The following DGKB variants were observed in gnomAD, a reference collection of about 807,000 sequenced individuals.
The protein encoded by DGKB is diacylglycerol kinase beta.
In DGKB, 67 loss-of-function variants were observed where a neutral mutation model predicts 114.3. The observed-to-expected ratio is 0.59, with a 90% CI of 0.48 to 0.72. The LOEUF (loss-of-function observed/expected upper bound fraction) is 0.72. DGKB is among the 30% of genes least tolerant of loss of function. DGKB has a pLI of 0.00. For synonymous variants in DGKB, 398 were observed against 323.1 expected (o/e 1.23, Z -2.49); for missense variants, 907 against 975.2 (o/e 0.93, Z 0.93).
At chr7:14,821,832 G>T (rs894673790) in intron 2 of DGKB, among the ~76,000 whole-genome samples, 1 of 152,188 alleles carries the variant, frequency 6.6e-6, no homozygotes, top group Non-Finnish European at 1.5e-5. Context: ...AGACCAAGAA[G>T]GAGGATCCTG....
At chr7:14,700,098 A>C (rs117219063) in intron 7 of DGKB, among the ~76,000 whole-genome samples, 3,952 of 152,216 alleles carry the variant, frequency 0.026, 83 homozygotes, top group South Asian at 0.048. Context: ...AGAAATTAAA[A>C]TTTCTAGTCG....
intron 12 of DGKB, among the ~76,000 whole-genome samples, chr7:14,675,775 G>C (rs775806539): frequency 1.3e-5 from 2 of 151,952 alleles, no homozygotes; most frequent in Non-Finnish European, 1.5e-5. Context: ...TAACCAAGAA[G>C]TCTATATTTG....
intron 21 of DGKB, among the ~76,000 whole-genome samples, chr7:14,474,647 C>G (rs568850419): frequency 6.6e-6 from 1 of 151,534 alleles, no homozygotes; most frequent in African/African-American, 2.4e-5. Context: ...TATTAATATC[C>G]TTTTTTTCAA....
intron 13 of DGKB, among the ~76,000 whole-genome samples, chr7:14,668,864 G>T (rs1184769381): frequency 2.0e-5 from 3 of 152,034 alleles, no homozygotes; most frequent in Non-Finnish European, 4.4e-5. Flanking sequence ...TTTGCCAAAA[G>T]ACACGGTCAC....
At chr7:14,387,674 C>T (rs1373893059) in intron 21 of DGKB, among the ~76,000 whole-genome samples, 1 of 152,064 alleles carries the variant, frequency 6.6e-6, no homozygotes, top group Non-Finnish European at 1.5e-5. Context: ...GACTCAGCCT[C>T]CTAAAGTGCT....
chr7:14,300,121 C>T (rs945624683), intron 23 of DGKB, among the ~76,000 whole-genome samples: 2 of 152,004 alleles, frequency 1.3e-5, no homozygotes, highest in African/African-American at 4.8e-5. Context: ...TAAAAGAGCT[C>T]CCGTGTAGTT....
chr7:14,542,311 C>T (rs1469825833), intron 20 of DGKB, among the ~76,000 whole-genome samples: 2 of 152,070 alleles, frequency 1.3e-5, no homozygotes, highest in Non-Finnish European at 2.9e-5. Context: ...CAGGTGCTCC[C>T]TGCTGCTTTT....
intron 15 of DGKB, among the ~76,000 whole-genome samples, chr7:14,617,850 T>A (rs1806833554): frequency 6.6e-6 from 1 of 151,652 alleles, no homozygotes; most frequent in South Asian, 2.1e-4. Context: ...AATATCACTT[T>A]ATTAATGGGG....
intron 23 of DGKB, among the ~76,000 whole-genome samples, chr7:14,285,098 C>T (rs186010675): frequency 9.8e-4 from 149 of 152,238 alleles, no homozygotes; most frequent in Non-Finnish European, 1.4e-3. Flanking sequence ...TATTTTCTCA[C>T]TCTGCATCCT....
rs1315244723 is a variant in DGKB at position 14,188,409 on chromosome 7, C to T, written c.2123-10258G>A. ...GGCGCGGTGGCTCACGCCTGTAATCCCAGCACTTTGGGAGGCCGAGGCGGG... is the reference window on the plus strand; with the variant it reads ...GGCGCGGTGGCTCACGCCTGTAATCTCAGCACTTTGGGAGGCCGAGGCGGG... On this transcript the variant is annotated intron_variant, in intron 23 of 25. Transcript: ENST00000402815. 1.7e-5 allele frequency among the ~76,000 whole-genome samples: 2 copies of T among 120,464 alleles called. 1 individual carries two copies. The highest frequency in any genetic ancestry group is 4.7e-4 in the South Asian group (2 of 4,276). 79.0% of individuals were successfully genotyped at this position (120,464 alleles called of 152,430 possible).
chr7:14,509,002 A>T (rs1303429617), intron 20 of DGKB, among the ~76,000 whole-genome samples: 1 of 152,192 alleles, frequency 6.6e-6, no homozygotes, highest in East Asian at 1.9e-4. Context: ...TTGCCCTTTC[A>T]AAAGTGAGTC....
At chr7:14,337,365 A>C (rs1463013856) in intron 23 of DGKB, among the ~76,000 whole-genome samples, 1 of 152,140 alleles carries the variant, frequency 6.6e-6, no homozygotes, top group East Asian at 1.9e-4. Flanking sequence ...TGTTATAAAC[A>C]TGCTTGTACT....
chr7:14,769,730 A>G (rs12333979), intron 2 of DGKB, among the ~76,000 whole-genome samples: 19,487 of 151,892 alleles, frequency 0.13, 1,668 homozygotes, highest in African/African-American at 0.25. Flanking sequence ...AGGCTCTCAT[A>G]GGAATTAGTT....
chr7:14,385,409 G>T (rs1355748821), intron 21 of DGKB, among the ~76,000 whole-genome samples: 1 of 152,208 alleles, frequency 6.6e-6, no homozygotes. Flanking sequence ...GTCCAGGGAA[G>T]ATGTACTAGG....
chr7:14,311,954 A>G (rs1262729021), intron 23 of DGKB, among the ~76,000 whole-genome samples: 1 of 152,178 alleles, frequency 6.6e-6, no homozygotes, highest in Non-Finnish European at 1.5e-5. Context: ...ATGACAGTGG[A>G]TAACTGTAAA....
chr7:14,400,576 C>T (rs577426100), intron 21 of DGKB, among the ~76,000 whole-genome samples: 235 of 151,746 alleles, frequency 1.5e-3, no homozygotes, highest in Middle Eastern at 0.01. Flanking sequence ...TGCTTTTCAG[C>T]GTACATTCAA....
chr7:14,452,227 C>G (rs1427744418), intron 21 of DGKB, among the ~76,000 whole-genome samples: 1 of 151,886 alleles, frequency 6.6e-6, no homozygotes, highest in African/African-American at 2.4e-5. Flanking sequence ...TTATTTAAAA[C>G]TATAAATCAG....
chr7:14,494,246 G>C (rs930260192), intron 20 of DGKB, among the ~76,000 whole-genome samples: 1 of 151,834 alleles, frequency 6.6e-6, no homozygotes, highest in Non-Finnish European at 1.5e-5. Flanking sequence ...TATTAACTTA[G>C]TAGTCAAGTA....
chr7:14,576,146 A>T (rs940384109), intron 19 of DGKB, among the ~76,000 whole-genome samples: 13 of 152,146 alleles, frequency 8.5e-5, no homozygotes, highest in Non-Finnish European at 1.3e-4. Flanking sequence ...TCAGGGTGGT[A>T]TGGCCATAGA....
Sources: gnomAD v4.1 joint callset for allele counts (sites outside exome capture counted in the v4.1 genomes callset) on GRCh38, gnomAD v4.1.1 for gene constraint, MANE v1.5 for transcripts, NCBI Gene and HGNC (gene_info 2026-07-23, HGNC 2026-07-21) for gene names.